Variants in FOXN3 observed in about 807,000 individuals in gnomAD.
FOXN3 encodes the protein forkhead box N3.
In FOXN3, 7 loss-of-function variants were observed where a neutral mutation model predicts 38.4. That is an observed-to-expected ratio of 0.18 (90% CI 0.10 to 0.34). FOXN3 has a LOEUF of 0.34. Ranked by LOEUF, FOXN3 falls within the 10% of genes least tolerant of loss-of-function variation. The probability of loss-of-function intolerance (pLI) is 1.00; values close to 1 mark genes in which losing one functional copy is unlikely to be tolerated. For synonymous variants in FOXN3, 230 were observed against 242.2 expected, an observed-to-expected ratio of 0.95 and a Z score of 0.47; for missense variants, 456 against 613.4, an observed-to-expected ratio of 0.74 and a Z score of 2.71.
intron 1 of FOXN3, among the ~76,000 whole-genome samples, chr14:89,594,871 CA>C (rs1333569639): frequency 4.1e-5 from 6 of 146,186 alleles, no homozygotes; most frequent in Admixed American, 2.0e-4. Context: ...GACTCTGTGT[CA>C]AAAAAAAAAG....
At chr14:89,280,206 A>G (rs1459860990) in intron 4 of FOXN3, among the ~76,000 whole-genome samples, 1 of 152,234 alleles carries the variant, frequency 6.6e-6, no homozygotes, top group Non-Finnish European at 1.5e-5. Flanking sequence ...AATAGCGATA[A>G]CCCCAAAGTA....
In FOXN3 at chr14:89,161,843, G is replaced by C. The variant is rs1887113770; in HGVS notation, c.*571C>G. The C allele has an allele frequency of 6.6e-6, 1 of 152,276 alleles. No homozygotes were observed. Among genetic ancestry groups the C allele is most frequent in the South Asian group, 2.1e-4 (1 of 4,828 alleles). 9.4% of individuals were successfully genotyped at this position (152,276 alleles called of 1,614,324 possible). On this transcript the variant is annotated 3_prime_UTR_variant, in exon 6 of 6. Transcript: ENST00000557258. ...CTGTGCTCGCCGTGTGACAATTCCA[G>C]TGGCTTTCCTGGCACCATCAGATGC...
intron 1 of FOXN3, among the ~76,000 whole-genome samples, chr14:89,526,704 A>G (rs1376814995): frequency 2.6e-5 from 4 of 152,208 alleles, no homozygotes; most frequent in Non-Finnish European, 4.4e-5. Flanking sequence ...AGTATTCCCA[A>G]CAAAAATCCC....
chr14:89,412,255 C>T lies in FOXN3; in HGVS notation c.222G>A (p.Lys74=), dbSNP rs144767183. 2.2e-3 allele frequency: 3,607 copies of T among 1,614,122 alleles called. 11 individuals carry two copies. The highest frequency in any genetic ancestry group is 2.7e-3 in the Admixed American group (161 of 60,010). ...NWLHESKNLL[K]SFGESVLRSV... ...TCCTGAGGACCGACTCCCCAAAGCT[C>T]TTCAGCAAGTTCTTGCTCTCGTGCA... is the stretch of plus-strand genomic sequence containing the variant. Residue 74 remains lysine (K), a synonymous_variant, in exon 2 of 6, where the codon AAG becomes AAA. Coordinates refer to ENST00000557258, the MANE Select transcript of FOXN3 (RefSeq NM_005197.4). The surrounding 1 kb of genome is among the most constrained non-coding windows in gnomAD (Gnocchi z 4.7).
chr14:89,280,807 C>T (rs1886435364), intron 4 of FOXN3, 143 bp downstream of exon 4: 1 of 636,548 alleles, frequency 1.6e-6, no homozygotes, highest in South Asian at 2.0e-5. Context: ...CAAATAGTCC[C>T]CACCCACAAC....
At chr14:89,590,946 A>G (rs951704301) in intron 1 of FOXN3, among the ~76,000 whole-genome samples, 1 of 149,676 alleles carries the variant, frequency 6.7e-6, no homozygotes, top group African/African-American at 2.5e-5. Context: ...TGCTGGGGTC[A>G]TTCTCTCCTT....
intron 3 of FOXN3, among the ~76,000 whole-genome samples, chr14:89,336,401 T>C (rs1888462549): frequency 6.6e-6 from 1 of 152,224 alleles, no homozygotes; most frequent in African/African-American, 2.4e-5. Context: ...CTCACTATGC[T>C]ACAAACCCTA....
chr14:89,180,989 GAC>G (rs1034311971), intron 4 of FOXN3, among the ~76,000 whole-genome samples, 183 bp from the exon 5 acceptor site: 17 of 149,276 alleles, frequency 1.1e-4, no homozygotes, highest in African/African-American at 3.8e-4. Context: ...GACATGCACA[GAC>G]ACACACTCAC....
intron 1 of FOXN3, among the ~76,000 whole-genome samples, chr14:89,602,653 C>T (rs1896177661): frequency 6.6e-6 from 1 of 151,868 alleles, no homozygotes; most frequent in African/African-American, 2.4e-5. Flanking sequence ...CCTGCCACCA[C>T]ACCTGGCTAA....
At chr14:89,549,578 A>G (rs1894959845) in intron 1 of FOXN3, among the ~76,000 whole-genome samples, 1 of 151,996 alleles carries the variant, frequency 6.6e-6, no homozygotes, top group Non-Finnish European at 1.5e-5. Context: ...CCACTTAAGA[A>G]CAAACCCCAA....
chr14:89,343,898 T>C (rs1031026906), intron 3 of FOXN3, among the ~76,000 whole-genome samples: 3 of 152,098 alleles, frequency 2.0e-5, no homozygotes, highest in Admixed American at 6.5e-5. Context: ...GAGTAGCTGA[T>C]TGCAGGTGCC....
At chr14:89,263,110 T>C (rs1885861023) in intron 4 of FOXN3, among the ~76,000 whole-genome samples, 1 of 152,238 alleles carries the variant, frequency 6.6e-6, no homozygotes, top group African/African-American at 2.4e-5. Flanking sequence ...GTTTCAAGGT[T>C]TAAACAATAG....
At chr14:89,559,069 A>G (rs1359264796) in intron 1 of FOXN3, among the ~76,000 whole-genome samples, 1 of 152,118 alleles carries the variant, frequency 6.6e-6, no homozygotes, top group Non-Finnish European at 1.5e-5. Context: ...AGCAGAACTT[A>G]TGCGAACAGG....
chr14:89,595,764 T>A (rs1896044874), intron 1 of FOXN3, among the ~76,000 whole-genome samples: 1 of 152,244 alleles, frequency 6.6e-6, no homozygotes, highest in East Asian at 1.9e-4. Context: ...AGATTTGTTT[T>A]TCCTACTCTC....
At chr14:89,583,926 G>A (rs957901932) in intron 1 of FOXN3, among the ~76,000 whole-genome samples, 2 of 151,346 alleles carry the variant, frequency 1.3e-5, no homozygotes, top group Non-Finnish European at 2.9e-5. Flanking sequence ...GTGTGATCTC[G>A]ACTCACTGCA....
intron 4 of FOXN3, among the ~76,000 whole-genome samples, chr14:89,224,997 T>C (rs997572147): frequency 1.3e-5 from 2 of 151,606 alleles, no homozygotes; most frequent in African/African-American, 4.9e-5. Flanking sequence ...GGTGTGGTGG[T>C]GCGTGCCTAT....
intron 1 of FOXN3, among the ~76,000 whole-genome samples, chr14:89,545,894 A>G (rs1235523187): frequency 6.6e-6 from 1 of 152,156 alleles, no homozygotes; most frequent in Non-Finnish European, 1.5e-5. Context: ...CTGCCTGTCC[A>G]TGGAACCTTC....
upstream of FOXN3, among the ~76,000 whole-genome samples, chr14:89,420,105 ACT>A (rs1031424174): frequency 6.6e-5 from 10 of 152,084 alleles, no homozygotes; most frequent in African/African-American, 2.4e-4. Context: ...AGGTGACTCC[ACT>A]CTCTACCCTG....
intron 2 of FOXN3, among the ~76,000 whole-genome samples, chr14:89,366,526 A>G (rs998593593): frequency 1.3e-5 from 2 of 152,250 alleles, no homozygotes; most frequent in Non-Finnish European, 2.9e-5. Context: ...TTTGAAAGGC[A>G]AGCTGACAGT....
Sources: allele counts gnomAD v4.1 joint callset (sites outside exome capture counted in the v4.1 genomes callset), GRCh38; gene constraint gnomAD v4.1.1; non-coding constraint Gnocchi (gnomAD v3.1); transcripts MANE v1.5; gene names NCBI Gene and HGNC (gene_info 2026-07-23, HGNC 2026-07-21).